Variants in TBC1D5 observed in about 807,000 individuals in gnomAD.
The protein encoded by TBC1D5 is TBC1 domain family member 5, also known as TBC1 domain family, member 5.
TBC1D5 carries 75 observed loss-of-function variants against 100.3 expected under a neutral mutation model. The observed-to-expected ratio is 0.75, with a 90% CI of 0.62 to 0.91. The LOEUF is 0.91. Among genes scored for constraint, TBC1D5 ranks in the 40% least tolerant of loss-of-function variants. The probability of loss-of-function intolerance (pLI) is 0.00; values close to 1 mark genes in which losing one functional copy is unlikely to be tolerated. For missense variants in TBC1D5, 910 were observed against 942.4 expected (o/e 0.97, Z 0.45); for synonymous variants, 323 against 325.6 (o/e 0.99, Z 0.09).
At chr3:17,190,101 CCTG>C (rs71698666) in intron 18 of TBC1D5, among the ~76,000 whole-genome samples, 3,310 of 152,172 alleles carry the variant, frequency 0.022, 112 homozygotes, top group African/African-American at 0.073. Context: ...TCAATGTAGT[CCTG>C]CTATTTCTTT....
At chr3:17,414,714 C>G (rs2094020171) in intron 4 of TBC1D5, among the ~76,000 whole-genome samples, 1 of 152,052 alleles carries the variant, frequency 6.6e-6, no homozygotes, top group South Asian at 2.1e-4. Flanking sequence ...TAGCTTAAAT[C>G]ACAGGTAATG....
intron 13 of TBC1D5, among the ~76,000 whole-genome samples, chr3:17,332,209 A>G (rs2086972323): frequency 6.6e-6 from 1 of 152,130 alleles, no homozygotes; most frequent in Non-Finnish European, 1.5e-5. Flanking sequence ...TTCTGGATAT[A>G]TTTTGAAGAT....
intron 13 of TBC1D5, among the ~76,000 whole-genome samples, chr3:17,370,451 CT>C (rs1488629004): frequency 2.0e-5 from 3 of 152,220 alleles, no homozygotes; most frequent in African/African-American, 7.2e-5. Flanking sequence ...ATTTTTATGT[CT>C]ATAATCATAA....
chr3:17,386,915 G>C (rs2093174489), intron 8 of TBC1D5, among the ~76,000 whole-genome samples: 1 of 152,180 alleles, frequency 6.6e-6, no homozygotes, highest in South Asian at 2.1e-4. Context: ...GAATTCAATT[G>C]CAAGTAGTAA....
chr3:17,627,671 T>TGAGA (rs565027792), intron 1 of TBC1D5, among the ~76,000 whole-genome samples: 30 of 148,400 alleles, frequency 2.0e-4, no homozygotes, highest in African/African-American at 4.2e-4. Context: ...TTTTTTTTTT[T>TGAGA]GAGAGAGAGA....
chr3:17,237,944 T>A (rs1480702651), intron 17 of TBC1D5, among the ~76,000 whole-genome samples: 1 of 151,280 alleles, frequency 6.6e-6, no homozygotes, highest in Admixed American at 6.6e-5. Context: ...CAGGACAAAG[T>A]TGCAAGTATA....
chr3:17,602,462 G>T (rs953376057), intron 2 of TBC1D5, among the ~76,000 whole-genome samples: 1 of 150,256 alleles, frequency 6.7e-6, no homozygotes, highest in African/African-American at 2.4e-5. Context: ...CTGTGCTTCA[G>T]TCAATGTGAT....
chr3:17,735,212 G>C (rs147435144), intron 1 of TBC1D5, among the ~76,000 whole-genome samples: 1 of 152,328 alleles, frequency 6.6e-6, no homozygotes, highest in African/African-American at 2.4e-5. Flanking sequence ...AGCTATAATA[G>C]TGTTCAACGT....
chr3:17,293,723 C>T (rs2081980308), intron 14 of TBC1D5, among the ~76,000 whole-genome samples: 1 of 152,212 alleles, frequency 6.6e-6, no homozygotes, highest in African/African-American at 2.4e-5. Flanking sequence ...ATAAACAAAA[C>T]TGAGTCCTTA....
intron 2 of TBC1D5, among the ~76,000 whole-genome samples, chr3:17,530,161 T>C: frequency 6.6e-6 from 1 of 151,626 alleles, no homozygotes; most frequent in South Asian, 2.1e-4. Context: ...GGAGAATCAC[T>C]TGATCCCAGA....
intron 1 of TBC1D5, among the ~76,000 whole-genome samples, chr3:17,642,272 T>C (rs2064584560): frequency 6.6e-6 from 1 of 152,138 alleles, no homozygotes; most frequent in Non-Finnish European, 1.5e-5. Context: ...CCATTCACAG[T>C]GGACTGAAGT....
At chr3:17,327,715 T>C (rs1292015751) in intron 13 of TBC1D5, among the ~76,000 whole-genome samples, 3 of 152,154 alleles carry the variant, frequency 2.0e-5, no homozygotes, top group Admixed American at 1.3e-4. Context: ...ATGGTACTTA[T>C]TACCGCCTAA....
rs192569787 is a variant in TBC1D5 at position 17,651,606 on chromosome 3, G to A, written c.-100-27693C>T. 3.2e-3 allele frequency among the ~76,000 whole-genome samples: 492 copies of A among 152,250 alleles called. 9 individuals are homozygous for A. The highest frequency in any genetic ancestry group is 1.4e-3 in the Non-Finnish European group (96 of 68,018). ...TGATCCCAGCTACTCAGGAGGCTGA[G>A]GCAGGGGAATTACTTGAACCAGGGA... On this transcript the variant is annotated intron_variant, in intron 1 of 21. Coordinates refer to ENST00000253692, the Ensembl canonical transcript of TBC1D5.
chr3:17,535,898 A>C (rs1357514834), intron 2 of TBC1D5, among the ~76,000 whole-genome samples: 1 of 152,180 alleles, frequency 6.6e-6, no homozygotes, highest in Non-Finnish European at 1.5e-5. Flanking sequence ...ACCAAAAAAA[A>C]ATCATAAATT....
chr3:17,715,411 AG>A (rs2075139532), intron 1 of TBC1D5, among the ~76,000 whole-genome samples: 1 of 152,204 alleles, frequency 6.6e-6, no homozygotes, highest in African/African-American at 2.4e-5. Context: ...CAGTATATAC[AG>A]GGGGGCATAT....
At chr3:17,460,521 C>G (rs1463055781) in intron 3 of TBC1D5, among the ~76,000 whole-genome samples, 4 of 152,148 alleles carry the variant, frequency 2.6e-5, no homozygotes, top group Non-Finnish European at 5.9e-5. Flanking sequence ...ATTGATTACA[C>G]TATAGTGAAG....
intron 3 of TBC1D5, among the ~76,000 whole-genome samples, chr3:17,494,597 C>G (rs976306560): frequency 6.6e-6 from 1 of 152,168 alleles, no homozygotes; most frequent in African/African-American, 2.4e-5. Context: ...TGTCTGTAAG[C>G]CCCTGGCTGG....
chr3:17,731,134 G>C (rs532113277), intron 1 of TBC1D5, among the ~76,000 whole-genome samples: 1 of 152,154 alleles, frequency 6.6e-6, no homozygotes, highest in South Asian at 2.1e-4. Context: ...GCAAAAACAT[G>C]AACAGTTCCA....
intron 1 of TBC1D5, among the ~76,000 whole-genome samples, chr3:17,704,079 T>A (rs2073613386): frequency 6.9e-6 from 1 of 143,938 alleles, no homozygotes; most frequent in Non-Finnish European, 1.5e-5. Flanking sequence ...CCTTCCGCAG[T>A]GTTTGTGTCC....
Sources: allele counts gnomAD v4.1 joint callset (sites outside exome capture counted in the v4.1 genomes callset), GRCh38; gene constraint gnomAD v4.1.1; transcripts MANE v1.5; gene names NCBI Gene and HGNC (gene_info 2026-07-23, HGNC 2026-07-21).